The following ROBO2 variants were observed in gnomAD, a reference collection of about 807,000 sequenced individuals.
The protein encoded by ROBO2 is roundabout homolog 2.
ROBO2 carries 53 observed loss-of-function variants against 160.8 expected under a neutral mutation model. That is an observed-to-expected ratio of 0.33 (90% CI 0.26 to 0.41). The LOEUF (loss-of-function observed/expected upper bound fraction) is 0.41. ROBO2 is among the 10% of genes least tolerant of loss of function. The probability of loss-of-function intolerance (pLI) is 1.00; values close to 1 mark genes in which losing one functional copy is unlikely to be tolerated. For missense variants in ROBO2, 1,577 were observed against 1,722.4 expected (o/e 0.92, Z 1.49); for synonymous variants, 664 against 611.7 (o/e 1.09, Z -1.26).
chr3:77,614,620 A>C (rs1207001298), intron 21 of ROBO2, among the ~76,000 whole-genome samples: 2 of 152,220 alleles, frequency 1.3e-5, no homozygotes, highest in Non-Finnish European at 2.9e-5. Context: ...TAAAGGAGTT[A>C]CAATTATAAC....
intron 1 of ROBO2, among the ~76,000 whole-genome samples, chr3:77,061,106 T>C (rs1343559623): frequency 6.6e-6 from 1 of 152,154 alleles, no homozygotes; most frequent in Non-Finnish European, 1.5e-5. Flanking sequence ...CTCATTCTTT[T>C]TTAATTTTAT....
At chr3:76,444,183 T>A (rs1330626269) in intron 2 of ROBO2, among the ~76,000 whole-genome samples, 2 of 152,110 alleles carry the variant, frequency 1.3e-5, no homozygotes, top group East Asian at 3.9e-4. Context: ...TCTCATCATG[T>A]TGGTCAGGCT....
intron 2 of ROBO2, among the ~76,000 whole-genome samples, chr3:75,955,166 T>A (rs753103720): frequency 6.6e-6 from 1 of 151,844 alleles, no homozygotes; most frequent in Non-Finnish European, 1.5e-5. Flanking sequence ...AACTTAGTGG[T>A]AGCTATATAG....
intron 2 of ROBO2, among the ~76,000 whole-genome samples, chr3:76,655,171 A>G (rs915857000): frequency 1.4e-4 from 21 of 150,106 alleles, no homozygotes; most frequent in African/African-American, 5.1e-4. Context: ...GCAGGGGTGG[A>G]ATTGCTGATT....
At chr3:76,362,889 C>T (rs1251691114) in intron 2 of ROBO2, among the ~76,000 whole-genome samples, 2 of 152,020 alleles carry the variant, frequency 1.3e-5, no homozygotes, top group East Asian at 3.9e-4. Context: ...ACTGTTACGC[C>T]AGTCACTCAC....
intron 4 of ROBO2, among the ~76,000 whole-genome samples, chr3:77,487,107 G>C (rs1401195887): frequency 2.0e-5 from 3 of 152,106 alleles, no homozygotes; most frequent in Non-Finnish European, 4.4e-5. Context: ...CATGAGAGTA[G>C]TTGAGGTATT....
Position 76,275,737 on chromosome 3 carries a change from G to A in ROBO2, c.109+338135G>A, listed in dbSNP as rs183286814. Among the ~76,000 whole-genome samples the A allele has an allele frequency of 1.6e-4, 25 of 152,160 alleles. No individual in the cohort carries two copies. In the East Asian group the frequency reaches 2.3e-3, roughly 14 times the overall value. On this transcript the variant is annotated intron_variant, in intron 2 of 26. Coordinates refer to the ROBO2 transcript ENST00000487694. ...CTGGGCATTCTGCAGGAGACAAATC[G>A]GAAGAATGAAGTTTAACATTTTCAA... is the stretch of plus-strand genomic sequence containing the variant.
At chr3:77,031,813 T>C (rs901907123) in intron 2 of ROBO2, among the ~76,000 whole-genome samples, 3 of 151,508 alleles carry the variant, frequency 2.0e-5, no homozygotes, top group African/African-American at 7.3e-5. Context: ...AAAATGCTCC[T>C]GTCTTAGTCC....
intron 2 of ROBO2, among the ~76,000 whole-genome samples, chr3:76,158,098 G>T (rs1439577933): frequency 6.6e-6 from 1 of 152,162 alleles, no homozygotes; most frequent in Non-Finnish European, 1.5e-5. Flanking sequence ...TATATTCAGA[G>T]TGGTTTAGTC....
At chr3:76,219,710 C>T (rs1703827431) in intron 2 of ROBO2, among the ~76,000 whole-genome samples, 1 of 152,274 alleles carries the variant, frequency 6.6e-6, no homozygotes, top group Non-Finnish European at 1.5e-5. Context: ...GAAATAGGAA[C>T]ACTTTTACAC....
chr3:76,388,336 A>G (rs2076990798), intron 2 of ROBO2, among the ~76,000 whole-genome samples: 1 of 149,054 alleles, frequency 6.7e-6, no homozygotes, highest in Non-Finnish European at 1.5e-5. Flanking sequence ...CAGTGGTGTG[A>G]TCTCAGCTCA....
intron 2 of ROBO2, among the ~76,000 whole-genome samples, chr3:76,146,314 C>T (rs75135874): frequency 1.4e-3 from 211 of 151,988 alleles, no homozygotes; most frequent in African/African-American, 3.5e-3. Flanking sequence ...CCTTTTGTGG[C>T]TATTTTATTT....
intron 2 of ROBO2, among the ~76,000 whole-genome samples, chr3:77,473,512 T>A (rs2153581932): frequency 7.6e-6 from 1 of 132,128 alleles, no homozygotes; most frequent in Non-Finnish European, 1.5e-5. Flanking sequence ...CAGGCTGGAG[T>A]GCATGAACTC....
intron 2 of ROBO2, among the ~76,000 whole-genome samples, chr3:76,835,452 ATGTT>A (rs1198054306): frequency 6.7e-6 from 1 of 148,184 alleles, no homozygotes; most frequent in African/African-American, 2.5e-5. Context: ...AATACATTAT[ATGTT>A]TGCACATATG....
chr3:76,635,188 T>C (rs2090262256), intron 2 of ROBO2, among the ~76,000 whole-genome samples: 1 of 152,200 alleles, frequency 6.6e-6, no homozygotes, highest in Admixed American at 6.5e-5. Flanking sequence ...TCATTTCCTC[T>C]CTTTTGAAGG....
Position 75,908,325 on chromosome 3 carries a change from GTTCT to G in ROBO2, c.-14+1372_-14+1375del, listed in dbSNP as rs201055566. On this transcript the variant is annotated intron_variant, in intron 1 of 26. Transcript: ENST00000487694. ...ATCAAAGTATGTAATATTTTATTTT[GTTCT>G]TTCTTTAATGACTGAGTTCAACAAA... 5.2e-3 allele frequency among the ~76,000 whole-genome samples: 786 copies of G among 152,018 alleles called. 7 individuals are homozygous for G. Among genetic ancestry groups the G allele is most frequent in the African/African-American group, 0.018 (749 of 41,510 alleles).
At chr3:77,011,710 AG>A (rs1200375287) in intron 2 of ROBO2, among the ~76,000 whole-genome samples, 2 of 152,096 alleles carry the variant, frequency 1.3e-5, no homozygotes, top group African/African-American at 4.8e-5. Context: ...CCTTCTGACA[AG>A]CCCAAGGGTA....
intron 2 of ROBO2, among the ~76,000 whole-genome samples, chr3:76,178,904 G>T (rs2073327551): frequency 6.6e-6 from 1 of 152,062 alleles, no homozygotes; most frequent in South Asian, 2.1e-4. Context: ...TCGTGCCATT[G>T]TACTCCAGCC....
At chr3:76,609,327 G>A (rs964231506) in intron 2 of ROBO2, among the ~76,000 whole-genome samples, 2 of 152,060 alleles carry the variant, frequency 1.3e-5, no homozygotes, top group Admixed American at 6.6e-5. Flanking sequence ...ACTTAGGACA[G>A]GTTTGGCTAT....
Sources: gnomAD v4.1 joint callset for allele counts (sites outside exome capture counted in the v4.1 genomes callset) on GRCh38, gnomAD v4.1.1 for gene constraint, MANE v1.5 for transcripts, NCBI Gene and HGNC (gene_info 2026-07-23, HGNC 2026-07-21) for gene names.